Variants in CREB3L1 observed in about 807,000 individuals in gnomAD.
CREB3L1 encodes cAMP responsive element binding protein 3 like 1.
In CREB3L1, 33 loss-of-function variants were observed where a neutral mutation model predicts 54.5. That is an observed-to-expected ratio of 0.61 (90% CI 0.46 to 0.81). The LOEUF is 0.81. Among genes scored for constraint, CREB3L1 ranks in the 30% least tolerant of loss-of-function variants. The pLI is 0.00. For missense variants in CREB3L1, 656 were observed against 673.3 expected (o/e 0.97, Z 0.29); for synonymous variants, 284 against 286.4 (o/e 0.99, Z 0.08).
At chr11:46,285,436 A>G (rs966438183) in intron 1 of CREB3L1, among the ~76,000 whole-genome samples, 1 of 151,872 alleles carries the variant, frequency 6.6e-6, no homozygotes, top group Non-Finnish European at 1.5e-5. Context: ...AGGATTGGGG[A>G]ATGTGTGGGG....
intron 10 of CREB3L1, among the ~76,000 whole-genome samples, chr11:46,318,583 GAGA>G (rs1939601837): frequency 6.6e-6 from 1 of 152,238 alleles, no homozygotes; most frequent in South Asian, 2.1e-4. Flanking sequence ...TCACGGAGGA[GAGA>G]ATAGCTACAT....
chr11:46,278,091 G>T lies in CREB3L1; in HGVS notation c.-21G>T. On this transcript the variant is annotated 5_prime_UTR_variant, in exon 1 of 12. Transcript: ENST00000621158. The surrounding 1 kb of genome is among the most constrained non-coding windows in gnomAD (Gnocchi z 4.2). Reference sequence around the variant, plus strand: ...GGAGTGAGGGAAGCCCAGTGGAAGGGGGTCCCGGGAGCCGGCTGCGATGGA... The same window carrying T: ...GGAGTGAGGGAAGCCCAGTGGAAGGTGGTCCCGGGAGCCGGCTGCGATGGA... 1 of 1,506,244 alleles carries T rather than the reference G, an allele frequency of 6.6e-7. No homozygotes were observed. 93.3% of individuals were successfully genotyped at this position (1,506,244 alleles called of 1,614,324 possible). A position where few individuals can be genotyped will look rare whatever the true frequency, so the allele number is the denominator to read the frequency against.
intron 5 of CREB3L1, 93 bp downstream of exon 5, chr11:46,311,282 G>A (rs886226307): frequency 1.4e-5 from 19 of 1,389,544 alleles, no homozygotes; most frequent in African/African-American, 8.9e-5. Context: ...GGGGAGCCCC[G>A]AGACTGATCC....
chr11:46,277,952 C>T lies in CREB3L1; in HGVS notation c.-160C>T, dbSNP rs1433852838. 7.3e-6 allele frequency: 3 copies of T among 411,696 alleles called. No homozygotes were observed. The highest frequency in any genetic ancestry group is 4.1e-5 in the African/African-American group (2 of 48,240). 25.5% of individuals were successfully genotyped at this position (411,696 alleles called of 1,614,324 possible). On this transcript the variant is annotated 5_prime_UTR_variant, in exon 1 of 12. Coordinates refer to ENST00000621158, the MANE Select transcript of CREB3L1 (RefSeq NM_052854.4). ...GCCCCCGCGCGCCCCGCGCCCCCCACCCGGGGCCGCGCCGCCTCCGTCCGC... is the reference window on the plus strand; with the variant it reads ...GCCCCCGCGCGCCCCGCGCCCCCCATCCGGGGCCGCGCCGCCTCCGTCCGC...
chr11:46,304,006 A>G (rs1294294422), intron 2 of CREB3L1, among the ~76,000 whole-genome samples: 1 of 152,138 alleles, frequency 6.6e-6, no homozygotes, highest in African/African-American at 2.4e-5. Context: ...ACCCTGTCTC[A>G]AAAAGAAAAA....
intron 4 of CREB3L1, 98 bp downstream of exon 4, chr11:46,310,165 T>A: frequency 1.2e-6 from 1 of 855,416 alleles, no homozygotes. Context: ...CTTGACAACC[T>A]TCCCCCACCC....
intron 2 of CREB3L1, among the ~76,000 whole-genome samples, chr11:46,300,874 G>A (rs971088578): frequency 2.6e-5 from 4 of 152,100 alleles, no homozygotes; most frequent in African/African-American, 7.2e-5. Flanking sequence ...GGGTGGTGGC[G>A]GGCGCCTGTA....
chr11:46,307,712 A>C (rs1590348072), intron 2 of CREB3L1, 104 bp from the exon 3 acceptor site: 1 of 980,560 alleles, frequency 1.0e-6, no homozygotes, highest in East Asian at 2.9e-5. Context: ...CCCCTGGTCT[A>C]CCCTAACAGC....
At chr11:46,284,586 G>A (rs1046053670) in intron 1 of CREB3L1, among the ~76,000 whole-genome samples, 14 of 151,796 alleles carry the variant, frequency 9.2e-5, no homozygotes, top group Admixed American at 2.0e-4. Context: ...CCCAGGAGGT[G>A]GAGATTGCAG....
intron 9 of CREB3L1, 125 bp downstream of exon 9, chr11:46,316,510 T>G: frequency 1.5e-6 from 1 of 654,140 alleles, no homozygotes; most frequent in Non-Finnish European, 2.7e-6. Flanking sequence ...GGGTACACCA[T>G]CCTGGCGCCT....
At chr11:46,299,811 C>T (rs1371038317) in intron 1 of CREB3L1, 124 bp from the exon 2 acceptor site, 1 of 696,980 alleles carries the variant, frequency 1.4e-6, no homozygotes, top group African/African-American at 1.8e-5. Flanking sequence ...GGAATGGGCA[C>T]AGTAATGGGA....
chr11:46,307,705 C>T (rs930180899), intron 2 of CREB3L1, 111 bp from the exon 3 acceptor site: 2 of 875,728 alleles, frequency 2.3e-6, no homozygotes, highest in Non-Finnish European at 3.3e-6. Context: ...TGCCTGCCCC[C>T]TGGTCTACCC....
Sources: gnomAD v4.1 joint callset for allele counts (sites outside exome capture counted in the v4.1 genomes callset) on GRCh38, gnomAD v4.1.1 for gene constraint, Gnocchi (gnomAD v3.1) non-coding constraint, MANE v1.5 for transcripts, NCBI Gene and HGNC (gene_info 2026-07-23, HGNC 2026-07-21) for gene names.